Variants in LTBP1 observed in about 807,000 individuals in gnomAD.
LTBP1 encodes the protein latent transforming growth factor beta binding protein 1.
In LTBP1, 129 loss-of-function variants were observed where a neutral mutation model predicts 207.6. That is an observed-to-expected ratio of 0.62 (90% confidence interval 0.54 to 0.72). The LOEUF (loss-of-function observed/expected upper bound fraction) is 0.72. LTBP1 is among the 30% of genes least tolerant of loss of function. The pLI is 0.00. For missense variants in LTBP1, 2,281 were observed against 2,217.2 expected (o/e 1.03, Z -0.58); for synonymous variants, 963 against 833.7 (o/e 1.16, Z -2.67).
intron 3 of LTBP1, among the ~76,000 whole-genome samples, chr2:33,107,449 G>A (rs1034105812): frequency 2.0e-5 from 3 of 151,928 alleles, no homozygotes; most frequent in East Asian, 3.9e-4. Context: ...ATTAAGCTGT[G>A]TAGAACAGGT....
At chr2:32,987,862 A>G (rs1683836282) in intron 2 of LTBP1, among the ~76,000 whole-genome samples, 1 of 152,230 alleles carries the variant, frequency 6.6e-6, no homozygotes, top group Non-Finnish European at 1.5e-5. Context: ...GAGCCTATGA[A>G]TGATACCTTA....
At chr2:33,007,826 A>T (rs749358858) in intron 2 of LTBP1, among the ~76,000 whole-genome samples, 1 of 152,212 alleles carries the variant, frequency 6.6e-6, no homozygotes, top group African/African-American at 2.4e-5. Flanking sequence ...AGTGCTTTGC[A>T]TGTATTAATT....
chr2:33,169,736 T>A (rs546258528), intron 5 of LTBP1, among the ~76,000 whole-genome samples: 2 of 152,050 alleles, frequency 1.3e-5, no homozygotes, highest in African/African-American at 4.8e-5. Context: ...ATAAGACAAA[T>A]AGAATCTTAA....
At chr2:33,222,657 G>C (rs1346148879) in intron 9 of LTBP1, among the ~76,000 whole-genome samples, 1 of 152,184 alleles carries the variant, frequency 6.6e-6, no homozygotes, top group Non-Finnish European at 1.5e-5. Flanking sequence ...AATGCCCTGA[G>C]TACTTTTGTT....
At chr2:33,337,960 G>A (rs2094572021) in intron 24 of LTBP1, among the ~76,000 whole-genome samples, 2 of 151,934 alleles carry the variant, frequency 1.3e-5, no homozygotes, top group South Asian at 2.1e-4. Context: ...ATGTATATAC[G>A]GGACTAACAA....
At chr2:33,172,956 C>T (rs942027617) in intron 5 of LTBP1, among the ~76,000 whole-genome samples, 9 of 151,896 alleles carry the variant, frequency 5.9e-5, no homozygotes, top group South Asian at 2.1e-4. Context: ...TTGAAACCAA[C>T]GAGAACAAAG....
At chr2:32,954,655 GT>G (rs1177927112) in intron 2 of LTBP1, among the ~76,000 whole-genome samples, 18 of 141,640 alleles carry the variant, frequency 1.3e-4, no homozygotes, top group East Asian at 1.0e-3. Flanking sequence ...TCAACACTTT[GT>G]TTTTTTTTTT....
intron 3 of LTBP1, among the ~76,000 whole-genome samples, chr2:33,076,475 G>A (rs920568207): frequency 1.3e-5 from 2 of 152,016 alleles, no homozygotes; most frequent in Non-Finnish European, 2.9e-5. Flanking sequence ...TTAGCCCTTA[G>A]GGAAGAAAAC....
At chr2:33,139,134 A>C (rs2150710900) in intron 5 of LTBP1, among the ~76,000 whole-genome samples, 1 of 152,236 alleles carries the variant, frequency 6.6e-6, no homozygotes, top group African/African-American at 2.4e-5. Context: ...CTGGGATTAC[A>C]GGCGTGAGCC....
chr2:33,324,869 TTTTG>T (rs1299360250), intron 24 of LTBP1, among the ~76,000 whole-genome samples: 3 of 151,976 alleles, frequency 2.0e-5, no homozygotes, highest in Non-Finnish European at 4.4e-5. Context: ...ACCCGACTAA[TTTTG>T]TTTGTTTGTT....
At chr2:33,099,468 T>C (rs574775463) in intron 3 of LTBP1, among the ~76,000 whole-genome samples, 11 of 152,280 alleles carry the variant, frequency 7.2e-5, no homozygotes, top group African/African-American at 2.6e-4. Context: ...TGAAATATTT[T>C]TTTGGTGTGA....
In LTBP1 at chr2:33,078,857, C is replaced by CTTTTTTTTTTTTTTTTTTTTT. The variant is rs879714056; in HGVS notation, c.864-31721_864-31720insTTTTTTTTTTTTTTTTTTTTT. Among the ~76,000 whole-genome samples, 14 of 92,158 alleles carry CTTTTTTTTTTTTTTTTTTTTT rather than the reference C, an allele frequency of 1.5e-4. 1 individual carries two copies. Among genetic ancestry groups the CTTTTTTTTTTTTTTTTTTTTT allele is most frequent in the South Asian group, 4.7e-4 (1 of 2,126 alleles). 60.5% of individuals were successfully genotyped at this position (92,158 alleles called of 152,430 possible). A position where few individuals can be genotyped will look rare whatever the true frequency, so the allele number is the denominator to read the frequency against. The stretch of plus-strand genomic sequence containing the variant: ...CTTCTCTTCTGTTTTCTTTTCTTTT[C>CTTTTTTTTTTTTTTTTTTTTT]TTTTCTTTTTTTTTTTTTTTGAGAC... On this transcript the variant is annotated intron_variant, in intron 3 of 33. Coordinates refer to ENST00000404816, the MANE Select transcript of LTBP1 (RefSeq NM_206943.4).
chr2:32,965,617 G>A (rs950535480), intron 2 of LTBP1, among the ~76,000 whole-genome samples: 3 of 152,110 alleles, frequency 2.0e-5, no homozygotes, highest in African/African-American at 7.2e-5. Context: ...CTTAGTAATA[G>A]CCACTTAAAG....
intron 26 of LTBP1, among the ~76,000 whole-genome samples, chr2:33,354,628 A>G (rs531218666): frequency 7.2e-5 from 11 of 152,134 alleles, no homozygotes; most frequent in African/African-American, 2.7e-4. Context: ...TTCTGAAAAG[A>G]GATATCAGTG....
intron 2 of LTBP1, among the ~76,000 whole-genome samples, chr2:32,976,896 G>A (rs1681878968): frequency 6.6e-6 from 1 of 152,196 alleles, no homozygotes; most frequent in African/African-American, 2.4e-5. Flanking sequence ...GGTGAGTGAG[G>A]TCACCTAATG....
At chr2:33,261,522 C>A (rs1309502227) in intron 13 of LTBP1, among the ~76,000 whole-genome samples, 1 of 151,958 alleles carries the variant, frequency 6.6e-6, no homozygotes, top group Non-Finnish European at 1.5e-5. Context: ...AGAGTGAGTC[C>A]GGCCTAGGGT....
chr2:33,110,859 G>A (rs2080360741), intron 4 of LTBP1, 108 bp downstream of exon 4: 1 of 1,070,564 alleles, frequency 9.3e-7, no homozygotes, highest in African/African-American at 1.6e-5. Context: ...AAATTCAAGA[G>A]TCATTAAAAA....
At chr2:33,321,832 A>G (rs778881092) in intron 24 of LTBP1, among the ~76,000 whole-genome samples, 3 of 152,230 alleles carry the variant, frequency 2.0e-5, no homozygotes, top group African/African-American at 4.8e-5. Context: ...AACAGAATCC[A>G]CTCTCTTCCA....
chr2:33,299,005 G>A (rs909203435), intron 20 of LTBP1, among the ~76,000 whole-genome samples: 9 of 152,112 alleles, frequency 5.9e-5, no homozygotes, highest in African/African-American at 2.2e-4. Context: ...GCTAGGTGTG[G>A]TGGCTAACGC....
Sources: gnomAD v4.1 joint callset for allele counts (sites outside exome capture counted in the v4.1 genomes callset) on GRCh38, gnomAD v4.1.1 for gene constraint, MANE v1.5 for transcripts, NCBI Gene and HGNC (gene_info 2026-07-23, HGNC 2026-07-21) for gene names.